TTLL5: variants seen among roughly 807,000 people sequenced by gnomAD.
The protein encoded by TTLL5 is tubulin polyglutamylase TTLL5.
In TTLL5, 132 loss-of-function variants were observed where a neutral mutation model predicts 168.4. That is an observed-to-expected ratio of 0.78 (90% CI 0.68 to 0.91). TTLL5 has a LOEUF of 0.91. Among genes scored for constraint, TTLL5 ranks in the 40% least tolerant of loss-of-function variants. The pLI is 0.00. For missense variants in TTLL5, 1,545 were observed against 1,581.5 expected (o/e 0.98, Z 0.39); for synonymous variants, 546 against 558.6 (o/e 0.98, Z 0.32).
intron 12 of TTLL5, among the ~76,000 whole-genome samples, chr14:75,731,924 T>C (rs1888571902): frequency 6.6e-6 from 1 of 152,092 alleles, no homozygotes; most frequent in Non-Finnish European, 1.5e-5. Context: ...CAGGGAGGGA[T>C]TGGGGAAGGG....
intron 29 of TTLL5, among the ~76,000 whole-genome samples, chr14:75,867,883 C>T (rs533450164): frequency 6.6e-6 from 1 of 152,196 alleles, no homozygotes; most frequent in South Asian, 2.1e-4. Context: ...TCTTCTAATT[C>T]TGTCTTTCTT....
chr14:75,725,140 A>G (rs1486495188), intron 12 of TTLL5, among the ~76,000 whole-genome samples: 1 of 152,206 alleles, frequency 6.6e-6, no homozygotes, highest in Non-Finnish European at 1.5e-5. Flanking sequence ...CTCTGTGTTG[A>G]CGATACCTGG....
chr14:75,675,413 T>C (rs1884063708), intron 3 of TTLL5, among the ~76,000 whole-genome samples: 1 of 152,218 alleles, frequency 6.6e-6, no homozygotes, highest in African/African-American at 2.4e-5. Flanking sequence ...AGATTATTGG[T>C]TTGTTTTCAT....
chr14:75,673,282 T>A (rs980139720), intron 3 of TTLL5, among the ~76,000 whole-genome samples: 3 of 152,222 alleles, frequency 2.0e-5, no homozygotes, highest in Non-Finnish European at 4.4e-5. Flanking sequence ...ATTTTAAAAT[T>A]CCAACTTTTG....
intron 23 of TTLL5, among the ~76,000 whole-genome samples, chr14:75,778,890 A>G (rs754984819): frequency 3.9e-5 from 6 of 152,224 alleles, no homozygotes; most frequent in Admixed American, 1.3e-4. Context: ...AGTCTCGTGC[A>G]TTATATAGAT....
intron 3 of TTLL5, among the ~76,000 whole-genome samples, chr14:75,678,407 C>A (rs1884352554): frequency 6.6e-6 from 1 of 152,198 alleles, no homozygotes; most frequent in Non-Finnish European, 1.5e-5. Flanking sequence ...TAATGTGTCA[C>A]TGGCAAAATA....
rs10145431 is a variant in TTLL5 at position 75,810,218 on chromosome 14, C to G, written c.3172-9789C>G. ...CTAGACCTTCTCAGACAAGAATTAT[C>G]TAAAATTTTTCTGGACCTGCTACAA... On this transcript the variant is annotated intron_variant, in intron 27 of 31. Transcript: ENST00000298832. Among the ~76,000 whole-genome samples the G allele has an allele frequency of 6.6e-3, 1,010 of 152,232 alleles. 12 individuals are homozygous for G. Among genetic ancestry groups the G allele is most frequent in the African/African-American group, 0.024 (976 of 41,530 alleles).
At chr14:75,824,471 G>T (rs1168340777) in intron 28 of TTLL5, among the ~76,000 whole-genome samples, 1 of 152,132 alleles carries the variant, frequency 6.6e-6, no homozygotes, top group Non-Finnish European at 1.5e-5. Flanking sequence ...GCTCAGTGAA[G>T]CCAGCCAGTC....
chr14:75,918,762 CTT>C (rs1171499819), intron 31 of TTLL5, among the ~76,000 whole-genome samples: 1 of 152,118 alleles, frequency 6.6e-6, no homozygotes, highest in Non-Finnish European at 1.5e-5. Flanking sequence ...TATGTATACT[CTT>C]AAATTATGGA....
intron 10 of TTLL5, among the ~76,000 whole-genome samples, chr14:75,719,171 G>C (rs58127732): frequency 1.3e-5 from 2 of 152,264 alleles, no homozygotes; most frequent in African/African-American, 4.8e-5. Flanking sequence ...TCACTCCAGT[G>C]CACTCTCCCT....
chr14:75,893,354 A>G (rs556155601), intron 30 of TTLL5, among the ~76,000 whole-genome samples: 5 of 152,378 alleles, frequency 3.3e-5, no homozygotes, highest in African/African-American at 1.2e-4. Context: ...AAGCGTAGAG[A>G]GAAGTCTAAA....
At chr14:75,872,725 C>T (rs1328892556) in intron 29 of TTLL5, among the ~76,000 whole-genome samples, 3 of 152,030 alleles carry the variant, frequency 2.0e-5, no homozygotes, top group South Asian at 2.1e-4. Context: ...GCCTGACCAC[C>T]GTGGAGAAAC....
intron 2 of TTLL5, among the ~76,000 whole-genome samples, chr14:75,666,017 A>G (rs1883230901): frequency 6.6e-6 from 1 of 152,182 alleles, no homozygotes; most frequent in Non-Finnish European, 1.5e-5. Flanking sequence ...CTCCCATCCA[A>G]ATTTATGGAC....
At chr14:75,691,010 G>T (rs1402695818) in intron 6 of TTLL5, among the ~76,000 whole-genome samples, 1 of 152,076 alleles carries the variant, frequency 6.6e-6, no homozygotes, top group African/African-American at 2.4e-5. Context: ...CATTCTTTCA[G>T]CCTTGATTTC....
chr14:75,868,970 C>T (rs1237889160), intron 29 of TTLL5, among the ~76,000 whole-genome samples: 1 of 144,324 alleles, frequency 6.9e-6, no homozygotes, highest in Non-Finnish European at 1.5e-5. Flanking sequence ...TTTATAATGG[C>T]GTATCAGAGA....
intron 26 of TTLL5, among the ~76,000 whole-genome samples, chr14:75,791,278 T>C (rs1356085860): frequency 2.0e-5 from 3 of 152,160 alleles, no homozygotes; most frequent in African/African-American, 7.2e-5. Context: ...AATGGCAATA[T>C]GCTTGAAATA....
intron 12 of TTLL5, among the ~76,000 whole-genome samples, chr14:75,723,125 C>CT (rs908757696): frequency 6.6e-5 from 10 of 151,850 alleles, no homozygotes; most frequent in Admixed American, 3.3e-4. Context: ...CATGGCAGCA[C>CT]TTTTTTTTAA....
At chr14:75,888,191 C>T (rs1355828591) in intron 30 of TTLL5, among the ~76,000 whole-genome samples, 1 of 152,136 alleles carries the variant, frequency 6.6e-6, no homozygotes, top group Non-Finnish European at 1.5e-5. Flanking sequence ...TTGCTTTTGG[C>T]ATGGACAGTG....
At position 75,863,836 on chromosome 14, in the gene TTLL5, C is replaced by T. The variant is rs577379721; in HGVS notation, c.3496C>T (p.Leu1166=). The change falls in exon 29 of 32, where the codon CTG becomes TTG. Residue 1166 remains leucine, a synonymous_variant. Coordinates refer to ENST00000298832, the MANE Select transcript of TTLL5 (RefSeq NM_015072.5). ...ACAAAAACTTCAGTCCCGGCAGCTC[C>T]TGGACCAGAGTCGAGCCCGGCACCA... ...EQQKLQSRQL[L]DQSRARHQAI... 4 of 1,582,986 alleles carry T rather than the reference C, an allele frequency of 2.5e-6. No homozygotes were observed. The highest frequency in any genetic ancestry group is 3.4e-4 in the Middle Eastern group (2 of 5,862).
Sources: gnomAD v4.1 joint callset for allele counts (sites outside exome capture counted in the v4.1 genomes callset) on GRCh38, gnomAD v4.1.1 for gene constraint, MANE v1.5 for transcripts, NCBI Gene and HGNC (gene_info 2026-07-23, HGNC 2026-07-21) for gene names.